TNKS: variants seen among roughly 807,000 people sequenced by gnomAD.
TNKS encodes tankyrase.
TNKS carries 72 observed loss-of-function variants against 135.8 expected under a neutral mutation model. That is an observed-to-expected ratio of 0.53 (90% CI 0.44 to 0.64). The LOEUF (loss-of-function observed/expected upper bound fraction) is 0.64, where lower values mean the gene tolerates loss of function less well. Among genes scored for constraint, TNKS ranks in the 30% least tolerant of loss-of-function variants. TNKS has a pLI of 0.00. For missense variants in TNKS, 1,769 were observed against 1,674.0 expected, an observed-to-expected ratio of 1.06 and a Z score of -0.99; for synonymous variants, 849 against 649.3, an observed-to-expected ratio of 1.31 and a Z score of -4.68.
At chr8:9,634,679 G>C (rs1019037169) in intron 3 of TNKS, among the ~76,000 whole-genome samples, 2 of 152,106 alleles carry the variant, frequency 1.3e-5, no homozygotes, top group Non-Finnish European at 2.9e-5. Flanking sequence ...GAATCACTGC[G>C]GGAAACAAAC....
chr8:9,701,159 G>A (rs948050594), intron 5 of TNKS, among the ~76,000 whole-genome samples: 27 of 151,944 alleles, frequency 1.8e-4, no homozygotes, highest in Admixed American at 1.7e-3. Flanking sequence ...GGATGGTCTC[G>A]ATCTCCTGAC....
chr8:9,768,905 C>G (rs551925906), intron 25 of TNKS, among the ~76,000 whole-genome samples: 1 of 152,282 alleles, frequency 6.6e-6, no homozygotes, highest in South Asian at 2.1e-4. Flanking sequence ...TGTCCTGGAT[C>G]CAGCACAAAT....
intron 14 of TNKS, among the ~76,000 whole-genome samples, chr8:9,731,501 A>C (rs144719661): frequency 6.7e-6 from 1 of 150,146 alleles, no homozygotes; most frequent in Non-Finnish European, 1.5e-5. Context: ...AATGTACAGT[A>C]TAGAAATTGA....
intron 1 of TNKS, among the ~76,000 whole-genome samples, chr8:9,577,862 C>G (rs1798013014): frequency 1.3e-5 from 2 of 152,316 alleles, no homozygotes; most frequent in East Asian, 3.9e-4. Flanking sequence ...CAAAGCAAAG[C>G]AAGTCCCTTC....
intron 26 of TNKS, among the ~76,000 whole-genome samples, 184 bp downstream of exon 26, chr8:9,770,446 C>A: frequency 6.6e-6 from 1 of 152,124 alleles, no homozygotes; most frequent in Non-Finnish European, 1.5e-5. Context: ...TACCTAAAAC[C>A]CATTAGTAGC....
At chr8:9,591,578 T>C (rs1199277881) in intron 2 of TNKS, among the ~76,000 whole-genome samples, 2 of 152,238 alleles carry the variant, frequency 1.3e-5, no homozygotes, top group African/African-American at 4.8e-5. Flanking sequence ...GAAGTGTGCA[T>C]ATCTTTTGGC....
At chr8:9,752,498 A>G (rs1376254949) in intron 19 of TNKS, 46 bp from the exon 20 acceptor site, 1 of 1,458,102 alleles carries the variant, frequency 6.9e-7, no homozygotes. Context: ...TTTTCTTTAT[A>G]TTTAGAGAAT....
chr8:9,626,859 C>T (rs1330142312), intron 3 of TNKS, among the ~76,000 whole-genome samples: 2 of 152,168 alleles, frequency 1.3e-5, no homozygotes, highest in African/African-American at 4.8e-5. Flanking sequence ...TTTTGGTCTT[C>T]AACCAGTTTC....
intron 12 of TNKS, among the ~76,000 whole-genome samples, chr8:9,723,607 T>G (rs1805014613): frequency 6.6e-6 from 1 of 152,206 alleles, no homozygotes; most frequent in Non-Finnish European, 1.5e-5. Context: ...TTTCCAAAGA[T>G]TTGATTTCTT....
chr8:9,729,364 T>C (rs1191687457), intron 13 of TNKS, among the ~76,000 whole-genome samples: 1 of 152,222 alleles, frequency 6.6e-6, no homozygotes, highest in East Asian at 1.9e-4. Context: ...TAATAATAGC[T>C]TATTACTGTG....
In TNKS at chr8:9,637,680, C is replaced by A. The variant is rs531169332; in HGVS notation, c.994+22003C>A. Among the ~76,000 whole-genome samples the A allele has an allele frequency of 3.2e-4, 49 of 152,158 alleles. 4 individuals carry two copies. In the South Asian group the frequency reaches 1.0e-2, roughly 31 times the overall value. On this transcript the variant is annotated intron_variant, in intron 3 of 26. Coordinates refer to ENST00000310430, the MANE Select transcript of TNKS (RefSeq NM_003747.3). ...TGAATTTGTTTACAAAATAAGTCTTCTTATTTTAAAAACCTAATAAGGGAA... is the reference window on the plus strand; with the variant it reads ...TGAATTTGTTTACAAAATAAGTCTTATTATTTTAAAAACCTAATAAGGGAA...
At chr8:9,681,043 G>A in intron 5 of TNKS, 1 of 343,102 alleles carries the variant, frequency 2.9e-6, no homozygotes, top group Non-Finnish European at 5.2e-6. Flanking sequence ...TTTGTTACAT[G>A]AAACTGCAGT....
chr8:9,655,018 G>A (rs949851983), intron 3 of TNKS, among the ~76,000 whole-genome samples: 14 of 152,166 alleles, frequency 9.2e-5, no homozygotes, highest in Admixed American at 2.0e-4. Context: ...GGTGACAGAC[G>A]GCACCTGGAA....
intron 9 of TNKS, 36 bp from the exon 10 acceptor site, chr8:9,709,919 G>A (rs1352172729): frequency 6.6e-7 from 1 of 1,512,128 alleles, no homozygotes; most frequent in South Asian, 1.1e-5. Context: ...ACATATGGAA[G>A]TGTATTTTAT....
intron 11 of TNKS, among the ~76,000 whole-genome samples, chr8:9,715,758 T>A (rs750348041): frequency 1.3e-5 from 2 of 152,128 alleles, no homozygotes; most frequent in East Asian, 1.9e-4. Flanking sequence ...CCCAATTCAT[T>A]TGAAAAATCC....
chr8:9,750,313 G>T (rs1218381262), intron 18 of TNKS, among the ~76,000 whole-genome samples: 1 of 152,164 alleles, frequency 6.6e-6, no homozygotes, highest in Non-Finnish European at 1.5e-5. Context: ...GAATAATTTT[G>T]TTTTCTAAGC....
intron 2 of TNKS, among the ~76,000 whole-genome samples, chr8:9,583,633 C>A (rs755505323): frequency 1.4e-4 from 22 of 151,818 alleles, no homozygotes; most frequent in Non-Finnish European, 3.1e-4. Flanking sequence ...GGACTGCAGG[C>A]GCATGCCACC....
chr8:9,747,944 A>T, intron 17 of TNKS, 80 bp from the exon 18 acceptor site: 2 of 1,334,656 alleles, frequency 1.5e-6, no homozygotes, highest in Non-Finnish European at 2.0e-6. Flanking sequence ...GTGAATTGTT[A>T]AATAAAAACA....
At chr8:9,627,238 C>A (rs1800092649) in intron 3 of TNKS, among the ~76,000 whole-genome samples, 1 of 152,160 alleles carries the variant, frequency 6.6e-6, no homozygotes, top group Non-Finnish European at 1.5e-5. Flanking sequence ...CCATATGCAT[C>A]TCTTTATCTG....
Sources: gnomAD v4.1 joint callset for allele counts (sites outside exome capture counted in the v4.1 genomes callset) on GRCh38, gnomAD v4.1.1 for gene constraint, MANE v1.5 for transcripts, NCBI Gene and HGNC (gene_info 2026-07-23, HGNC 2026-07-21) for gene names.